ASTN2: variants seen among roughly 807,000 people sequenced by gnomAD.
ASTN2 encodes the protein astrotactin 2, also known as astrotactin-2.
A neutral mutation model predicts 139.8 loss-of-function variants in ASTN2; 54 were observed. That is an observed-to-expected ratio of 0.39 (90% CI 0.31 to 0.48). The LOEUF (loss-of-function observed/expected upper bound fraction) is 0.48, where lower values mean the gene tolerates loss of function less well. Among genes scored for constraint, ASTN2 ranks in the 20% least tolerant of loss-of-function variants. ASTN2 has a pLI of 0.95. For missense variants in ASTN2, 1,565 were observed against 1,725.1 expected, an observed-to-expected ratio of 0.91 and a Z score of 1.64; for synonymous variants, 756 against 719.5, an observed-to-expected ratio of 1.05 and a Z score of -0.81.
At chr9:116,644,671 A>T (rs1441048741) in intron 17 of ASTN2, among the ~76,000 whole-genome samples, 1 of 152,210 alleles carries the variant, frequency 6.6e-6, no homozygotes, top group East Asian at 1.9e-4. Context: ...TAATAGCCCT[A>T]TCTGCTCATA....
intron 19 of ASTN2, among the ~76,000 whole-genome samples, chr9:116,549,519 C>T (rs1030176505): frequency 6.6e-6 from 1 of 152,196 alleles, no homozygotes; most frequent in Non-Finnish European, 1.5e-5. Context: ...GTCTGACTCA[C>T]AGCTGCTACT....
intron 3 of ASTN2, among the ~76,000 whole-genome samples, chr9:117,196,909 C>T (rs1412128219): frequency 8.0e-6 from 1 of 125,034 alleles, no homozygotes; most frequent in Admixed American, 7.9e-5. Flanking sequence ...ACCCAGCTCC[C>T]CTTGAGAGAA....
intron 2 of ASTN2, among the ~76,000 whole-genome samples, chr9:117,275,124 C>T (rs746834210): frequency 3.3e-5 from 5 of 152,192 alleles, no homozygotes; most frequent in African/African-American, 7.2e-5. Context: ...TCTCCAATAT[C>T]ATCTTCCTCA....
At chr9:116,604,498 T>C (rs1334436756) in intron 19 of ASTN2, among the ~76,000 whole-genome samples, 1 of 152,216 alleles carries the variant, frequency 6.6e-6, no homozygotes. Flanking sequence ...TAGTTTCCAA[T>C]GACATCACCT....
At chr9:116,882,499 G>A (rs1032552346) in intron 10 of ASTN2, among the ~76,000 whole-genome samples, 2 of 152,158 alleles carry the variant, frequency 1.3e-5, no homozygotes, top group Non-Finnish European at 2.9e-5. Flanking sequence ...AGGAGAGGTA[G>A]AGGGTCATGG....
At chr9:116,439,840 C>G (rs548138587) in intron 22 of ASTN2, among the ~76,000 whole-genome samples, 1 of 152,200 alleles carries the variant, frequency 6.6e-6, no homozygotes, top group Non-Finnish European at 1.5e-5. Flanking sequence ...GCTATCATGA[C>G]GCTTATTATT....
chr9:116,858,492 C>T (rs1312708848), intron 11 of ASTN2, among the ~76,000 whole-genome samples: 1 of 152,146 alleles, frequency 6.6e-6, no homozygotes, highest in Non-Finnish European at 1.5e-5. Flanking sequence ...CCATACGATG[C>T]TGTGATTAAG....
intron 2 of ASTN2, among the ~76,000 whole-genome samples, chr9:117,282,155 T>C (rs1336884626): frequency 6.6e-6 from 1 of 152,210 alleles, no homozygotes; most frequent in African/African-American, 2.4e-5. Flanking sequence ...CTCCCATCCT[T>C]GGTGCCCCAT....
chr9:117,367,828 G>C (rs995489975), intron 1 of ASTN2, among the ~76,000 whole-genome samples: 1 of 152,116 alleles, frequency 6.6e-6, no homozygotes, highest in Non-Finnish European at 1.5e-5. Flanking sequence ...GCTTCAGTTA[G>C]AATCATAGAA....
chr9:116,746,207 C>T (rs573114473), intron 13 of ASTN2, among the ~76,000 whole-genome samples: 2 of 152,064 alleles, frequency 1.3e-5, no homozygotes, highest in Non-Finnish European at 2.9e-5. Flanking sequence ...CTGCCTCACC[C>T]TCCTGAGTAG....
intron 11 of ASTN2, among the ~76,000 whole-genome samples, chr9:116,848,166 G>A (rs140185618): frequency 0.011 from 1,610 of 152,272 alleles, 27 homozygotes; most frequent in Middle Eastern, 0.037. Flanking sequence ...AGAAAAGAAT[G>A]CACCATTATT....
intron 10 of ASTN2, among the ~76,000 whole-genome samples, chr9:116,920,065 T>G (rs1834558115): frequency 6.6e-6 from 1 of 152,208 alleles, no homozygotes; most frequent in Non-Finnish European, 1.5e-5. Context: ...ACAAGTCTTG[T>G]TTCAAATGCT....
intron 13 of ASTN2, among the ~76,000 whole-genome samples, chr9:116,739,736 T>TC (rs978572634): frequency 1.3e-5 from 2 of 152,208 alleles, no homozygotes; most frequent in Non-Finnish European, 2.9e-5. Flanking sequence ...ACTATGCCTG[T>TC]CCAATGTACT....
intron 10 of ASTN2, among the ~76,000 whole-genome samples, chr9:116,922,745 T>C (rs1381054272): frequency 6.6e-6 from 1 of 152,194 alleles, no homozygotes; most frequent in East Asian, 1.9e-4. Context: ...AAACATTCAG[T>C]GTGATCCCAA....
At chr9:116,779,747 T>C (rs1830170022) in intron 13 of ASTN2, among the ~76,000 whole-genome samples, 1 of 152,194 alleles carries the variant, frequency 6.6e-6, no homozygotes, top group Non-Finnish European at 1.5e-5. Context: ...GTGTTGTGTA[T>C]GGCTCTCCAT....
chr9:117,231,244 T>C (rs187713250), intron 2 of ASTN2, among the ~76,000 whole-genome samples: 20 of 152,354 alleles, frequency 1.3e-4, no homozygotes, highest in Admixed American at 7.2e-4. Flanking sequence ...TTCTTAGTAA[T>C]AGAGAGCCAG....
intron 6 of ASTN2, among the ~76,000 whole-genome samples, chr9:117,010,545 C>A (rs1484366838): frequency 6.6e-6 from 1 of 152,098 alleles, no homozygotes; most frequent in East Asian, 1.9e-4. Context: ...ACCAGCTCTG[C>A]AAACTTGGGC....
intron 19 of ASTN2, among the ~76,000 whole-genome samples, chr9:116,502,209 G>A (rs952093184): frequency 1.3e-5 from 2 of 151,890 alleles, no homozygotes; most frequent in Non-Finnish European, 2.9e-5. Flanking sequence ...GACAGGGACA[G>A]AGAGGCAGAG....
chr9:116,836,687 A>C (rs1231395527), intron 11 of ASTN2, among the ~76,000 whole-genome samples: 1 of 151,844 alleles, frequency 6.6e-6, no homozygotes, highest in African/African-American at 2.4e-5. Flanking sequence ...AGGCAAAGAG[A>C]GAATCCAGGG....
Sources: gnomAD v4.1 joint callset for allele counts (sites outside exome capture counted in the v4.1 genomes callset) on GRCh38, gnomAD v4.1.1 for gene constraint, MANE v1.5 for transcripts, NCBI Gene and HGNC (gene_info 2026-07-23, HGNC 2026-07-21) for gene names.